GLRB: variants seen among roughly 807,000 people sequenced by gnomAD.
GLRB encodes the protein glycine receptor subunit beta.
GLRB carries 33 observed loss-of-function variants against 54.2 expected under a neutral mutation model. That is an observed-to-expected ratio of 0.61 (90% CI 0.46 to 0.81). GLRB has a LOEUF of 0.81. GLRB is among the 40% of genes least tolerant of loss of function. The probability of loss-of-function intolerance (pLI) is 0.00; values close to 1 mark genes in which losing one functional copy is unlikely to be tolerated. For synonymous variants in GLRB, 209 were observed against 208.2 expected, an observed-to-expected ratio of 1.00 and a Z score of -0.03; for missense variants, 572 against 584.6, an observed-to-expected ratio of 0.98 and a Z score of 0.22.
chr4:157,089,243 A>T (rs1371575499), intron 2 of GLRB, among the ~76,000 whole-genome samples: 2 of 151,870 alleles, frequency 1.3e-5, no homozygotes, highest in Admixed American at 6.6e-5. Context: ...TTAAAAAAAA[A>T]TTAGCCAAGC....
At chr4:157,113,017 A>G (rs1003230736) in intron 2 of GLRB, among the ~76,000 whole-genome samples, 1 of 151,892 alleles carries the variant, frequency 6.6e-6, no homozygotes, top group Non-Finnish European at 1.5e-5. Context: ...GCTTGGCCCA[A>G]TATCATGTGG....
At chr4:157,096,867 A>G (rs1321866629) in intron 2 of GLRB, among the ~76,000 whole-genome samples, 1 of 152,214 alleles carries the variant, frequency 6.6e-6, no homozygotes, top group Non-Finnish European at 1.5e-5. Context: ...AAGTTTCCTG[A>G]CAATAGCAAA....
chr4:157,102,939 G>A (rs1735086760), intron 2 of GLRB, among the ~76,000 whole-genome samples: 1 of 152,068 alleles, frequency 6.6e-6, no homozygotes, highest in African/African-American at 2.4e-5. Context: ...GGCCAAGGCG[G>A]GTGGATCACA....
chr4:157,138,725 A>G, intron 6 of GLRB, 84 bp from the exon 7 acceptor site: 1 of 741,650 alleles, frequency 1.3e-6, no homozygotes, highest in Non-Finnish European at 2.3e-6. Context: ...TTCCTTTGCT[A>G]TGTTTAAGAT....
chr4:157,096,774 A>G (rs1048121098), intron 2 of GLRB, among the ~76,000 whole-genome samples: 3 of 152,240 alleles, frequency 2.0e-5, no homozygotes, highest in Admixed American at 6.5e-5. Flanking sequence ...GATATTATAT[A>G]AAGAGAAGCT....
chr4:157,139,319 T>C (rs1736526119), intron 7 of GLRB, among the ~76,000 whole-genome samples: 1 of 152,088 alleles, frequency 6.6e-6, no homozygotes, highest in African/African-American at 2.4e-5. Context: ...TCCATATATG[T>C]TCACCCATTG....
intron 4 of GLRB, among the ~76,000 whole-genome samples, chr4:157,125,619 C>T (rs1243878937): frequency 6.6e-6 from 1 of 151,642 alleles, no homozygotes; most frequent in East Asian, 2.0e-4. Context: ...AGAAATCTCC[C>T]CTACAAGGAT....
intron 2 of GLRB, among the ~76,000 whole-genome samples, chr4:157,113,161 A>AT (rs1329776388): frequency 5.3e-5 from 8 of 151,742 alleles, no homozygotes; most frequent in African/African-American, 1.5e-4. Flanking sequence ...TCATATAGAT[A>AT]TTTTCGTTGG....
intron 2 of GLRB, chr4:157,084,672 T>A (rs1390101299): frequency 6.6e-6 from 3 of 456,242 alleles, no homozygotes; most frequent in Non-Finnish European, 1.3e-5. Context: ...AGAGAGAGAT[T>A]GTACCATTGA....
chr4:157,158,247 G>C (rs1169212755), intron 9 of GLRB, among the ~76,000 whole-genome samples: 1 of 152,018 alleles, frequency 6.6e-6, no homozygotes, highest in Non-Finnish European at 1.5e-5. Flanking sequence ...TGTCAGATGG[G>C]TAGATTGTAA....
At chr4:157,139,725 T>C (rs1378721644) in intron 7 of GLRB, among the ~76,000 whole-genome samples, 1 of 152,018 alleles carries the variant, frequency 6.6e-6, no homozygotes, top group Non-Finnish European at 1.5e-5. Flanking sequence ...CAGTTCAACA[T>C]GTAAATTATT....
chr4:157,164,007 T>C (rs72980556), intron 9 of GLRB, among the ~76,000 whole-genome samples: 3,287 of 152,246 alleles, frequency 0.022, 76 homozygotes, highest in African/African-American at 0.051. Flanking sequence ...ACTCTAATAA[T>C]TAAATAGATT....
At position 157,152,713 on chromosome 4, in the gene GLRB, T is replaced by C; in HGVS notation, c.905-5T>C. The C allele has an allele frequency of 6.2e-7, 1 of 1,612,164 alleles. No homozygotes were observed. The highest frequency in any genetic ancestry group is 1.1e-5 in the South Asian group (1 of 91,038). On this transcript the variant is annotated splice_polypyrimidine_tract_variant and splice_region_variant and intron_variant, in intron 8 of 9. Transcript: ENST00000264428. ...CAACTTTCATTCCTCTTTCTGTTTC[T>C]GTAGGTATCTTCTCAGTCCTCAGCT... is the stretch of plus-strand genomic sequence containing the variant.
rs758575279 is a variant in GLRB at position 157,170,443 on chromosome 4, C to A, written c.1209C>A (p.Thr403=). The change falls in exon 10 of 10, where the codon ACC becomes ACA. Residue 403 remains threonine, a synonymous_variant. Transcript: ENST00000264428. ...VHISTLQVGE[T]RCKKVCTSKS... ...ATATTTATTCTTAGGTTGGTGAGACCAGATGCAAAAAAGTTTGTACTTCTA... is the reference window on the plus strand; with the variant it reads ...ATATTTATTCTTAGGTTGGTGAGACAAGATGCAAAAAAGTTTGTACTTCTA... 1 of 1,589,584 alleles carries A rather than the reference C, an allele frequency of 6.3e-7. No individual in the cohort carries two copies. The highest frequency in any genetic ancestry group is 8.6e-7 in the Non-Finnish European group (1 of 1,158,264).
chr4:157,079,021 G>T (rs1366933902), intron 2 of GLRB, among the ~76,000 whole-genome samples: 1 of 152,226 alleles, frequency 6.6e-6, no homozygotes, highest in South Asian at 2.1e-4. Flanking sequence ...TGATCTGCTC[G>T]CCTTGGCATC....
intron 4 of GLRB, among the ~76,000 whole-genome samples, chr4:157,125,139 G>A (rs1735971199): frequency 6.6e-6 from 1 of 151,830 alleles, no homozygotes; most frequent in Non-Finnish European, 1.5e-5. Context: ...GAAAATAATA[G>A]TGATAACACA....
chr4:157,084,718 A>C (rs1734345591), intron 2 of GLRB: 2 of 456,018 alleles, frequency 4.4e-6, no homozygotes, highest in Admixed American at 2.4e-5. Flanking sequence ...TGTATGTACT[A>C]AGAAGGGTAG....
chr4:157,130,994 G>C (rs1423939646), intron 4 of GLRB, among the ~76,000 whole-genome samples: 1 of 151,496 alleles, frequency 6.6e-6, no homozygotes, highest in Non-Finnish European at 1.5e-5. Flanking sequence ...TACAAAACTT[G>C]TTAATGTTAT....
intron 7 of GLRB, among the ~76,000 whole-genome samples, chr4:157,140,911 T>C (rs1736581998): frequency 6.6e-6 from 1 of 151,922 alleles, no homozygotes; most frequent in Non-Finnish European, 1.5e-5. Context: ...TATGATTATA[T>C]AATAGCTTTG....
Sources: gnomAD v4.1 joint callset for allele counts (sites outside exome capture counted in the v4.1 genomes callset) on GRCh38, gnomAD v4.1.1 for gene constraint, MANE v1.5 for transcripts, NCBI Gene and HGNC (gene_info 2026-07-23, HGNC 2026-07-21) for gene names.